Variants in CNTNAP2 observed in about 807,000 individuals in gnomAD.
CNTNAP2 encodes the protein contactin-associated protein-like 2.
In CNTNAP2, 98 loss-of-function variants were observed where a neutral mutation model predicts 155.2. That is an observed-to-expected ratio of 0.63 (90% CI 0.54 to 0.75). The LOEUF is 0.75. Ranked by LOEUF, CNTNAP2 falls within the 30% of genes least tolerant of loss-of-function variation. CNTNAP2 has a pLI of 0.00. For synonymous variants in CNTNAP2, 651 were observed against 631.2 expected, an observed-to-expected ratio of 1.03 and a Z score of -0.47; for missense variants, 1,727 against 1,688.1, an observed-to-expected ratio of 1.02 and a Z score of -0.40.
At chr7:146,260,218 A>AT (rs1357778514) in intron 1 of CNTNAP2, among the ~76,000 whole-genome samples, 1 of 152,226 alleles carries the variant, frequency 6.6e-6, no homozygotes, top group East Asian at 1.9e-4. Flanking sequence ...AAACATCTGG[A>AT]TGTCCAGGCA....
At chr7:146,400,192 T>TC (rs1214711536) in intron 1 of CNTNAP2, among the ~76,000 whole-genome samples, 2 of 152,068 alleles carry the variant, frequency 1.3e-5, no homozygotes, top group East Asian at 3.9e-4. Context: ...GAGTGACTCT[T>TC]AACTATTCAT....
At position 148,323,867 on chromosome 7, in the gene CNTNAP2, G is replaced by A. The variant is rs991587324; in HGVS notation, c.3475+56741G>A. Reference sequence around the variant, plus strand: ...CTGTTTCTCAAACTGAGTGAGACTTGTCTCTGAAGCCCCATTTTTTTTTTT... The same window carrying A: ...CTGTTTCTCAAACTGAGTGAGACTTATCTCTGAAGCCCCATTTTTTTTTTT... On this transcript the variant is annotated intron_variant, in intron 21 of 23. Transcript: ENST00000361727. Among the ~76,000 whole-genome samples the A allele has an allele frequency of 4.1e-5, 6 of 147,012 alleles. No homozygotes were observed. In the South Asian group the frequency reaches 8.6e-4, roughly 21 times the overall value.
At chr7:146,901,870 C>CTTTTTTTTTTTTTTTT (rs71165048) in intron 3 of CNTNAP2, among the ~76,000 whole-genome samples, 1 of 88,222 alleles carries the variant, frequency 1.1e-5, no homozygotes, top group Admixed American at 1.3e-4. Context: ...ATATATGCTC[C>CTTTTTTTTTTTTTTTT]TTTTTTTTTT....
chr7:147,826,003 G>A (rs1290979407), intron 13 of CNTNAP2, among the ~76,000 whole-genome samples: 1 of 152,168 alleles, frequency 6.6e-6, no homozygotes, highest in Non-Finnish European at 1.5e-5. Flanking sequence ...AAATTAGGGT[G>A]AGAACTTTGA....
chr7:148,370,681 C>A (rs1563062194), intron 21 of CNTNAP2, among the ~76,000 whole-genome samples: 1 of 151,594 alleles, frequency 6.6e-6, no homozygotes, highest in African/African-American at 2.4e-5. Flanking sequence ...ACCCCACCAG[C>A]TGGAATGACA....
intron 13 of CNTNAP2, among the ~76,000 whole-genome samples, chr7:147,652,713 AAAGG>A (rs778088767): frequency 9.9e-4 from 151 of 152,182 alleles, no homozygotes; most frequent in Non-Finnish European, 1.7e-3. Flanking sequence ...AAGAAGTTAG[AAAGG>A]AAGGAAGGGG....
At chr7:147,594,195 C>T (rs1482402725) in intron 12 of CNTNAP2, among the ~76,000 whole-genome samples, 7 of 142,936 alleles carry the variant, frequency 4.9e-5, no homozygotes, top group African/African-American at 1.9e-4. Context: ...GGCCCAGTCT[C>T]GGCTCACTGC....
intron 11 of CNTNAP2, among the ~76,000 whole-genome samples, chr7:147,510,269 G>A (rs992423326): frequency 1.3e-5 from 2 of 152,094 alleles, no homozygotes; most frequent in African/African-American, 4.8e-5. Context: ...AGTATTTAGT[G>A]GCCTTTTACA....
chr7:146,846,426 C>T (rs527349272), intron 3 of CNTNAP2, among the ~76,000 whole-genome samples: 2 of 152,080 alleles, frequency 1.3e-5, no homozygotes, highest in Middle Eastern at 3.4e-3. Flanking sequence ...ATTTCCAAGG[C>T]GATTTCAGAA....
chr7:147,622,040 A>G (rs1382014230), intron 12 of CNTNAP2, among the ~76,000 whole-genome samples: 1 of 152,050 alleles, frequency 6.6e-6, no homozygotes, highest in African/African-American at 2.4e-5. Context: ...AGACACAAAG[A>G]AGGTCACTAT....
chr7:148,281,188 T>A (rs1796968971), intron 21 of CNTNAP2, among the ~76,000 whole-genome samples: 1 of 152,232 alleles, frequency 6.6e-6, no homozygotes. Context: ...TAGAATTTTG[T>A]AGTTCTTTTA....
rs567405179 is a variant in CNTNAP2 at position 147,437,718 on chromosome 7, A to G, written c.1670+41938A>G. 7.2e-5 allele frequency among the ~76,000 whole-genome samples: 11 copies of G among 152,126 alleles called. No homozygotes were observed. In the East Asian group the frequency reaches 1.9e-3, roughly 27 times the overall value. On this transcript the variant is annotated intron_variant, in intron 10 of 23. Coordinates refer to ENST00000361727, the MANE Select transcript of CNTNAP2 (RefSeq NM_014141.6). Reference sequence around the variant, plus strand: ...CATACAAATGTTAAGATATTTTTCTATTTCTGTAAAGAATGCCATTGATGT... The same window carrying G: ...CATACAAATGTTAAGATATTTTTCTGTTTCTGTAAAGAATGCCATTGATGT...
chr7:147,603,862 A>C lies in CNTNAP2; in HGVS notation c.1898-35244A>C, dbSNP rs1801005974. 4.6e-5 allele frequency among the ~76,000 whole-genome samples: 7 copies of C among 152,320 alleles called. No homozygotes were observed. In the South Asian group the frequency reaches 1.4e-3, roughly 32 times the overall value. ...GTAACCAAAACAGCATGGTACTGGT[A>C]CTAAAACAGAGATATAGATCAATGG... On this transcript the variant is annotated intron_variant, in intron 12 of 23. Transcript: ENST00000361727.
intron 9 of CNTNAP2, among the ~76,000 whole-genome samples, chr7:147,365,387 A>G (rs1796212150): frequency 1.1e-5 from 1 of 89,388 alleles, no homozygotes; most frequent in Admixed American, 1.1e-4. Context: ...CAAAAAGAAA[A>G]AAAAAAAAAA....
chr7:146,131,790 T>C (rs1462035837), intron 1 of CNTNAP2, among the ~76,000 whole-genome samples: 1 of 152,142 alleles, frequency 6.6e-6, no homozygotes, highest in Non-Finnish European at 1.5e-5. Flanking sequence ...TATCTTGAAT[T>C]GTAATTTCCA....
chr7:146,189,819 GC>G (rs1248080630), intron 1 of CNTNAP2, among the ~76,000 whole-genome samples: 1 of 152,140 alleles, frequency 6.6e-6, no homozygotes, highest in Non-Finnish European at 1.5e-5. Context: ...ATCATTTGAA[GC>G]CTTATCACAC....
chr7:146,979,834 C>A (rs1345355826), intron 3 of CNTNAP2, among the ~76,000 whole-genome samples: 3 of 151,990 alleles, frequency 2.0e-5, no homozygotes, highest in African/African-American at 7.2e-5. Context: ...TATAAGAGGA[C>A]TATAAAAGAG....
At chr7:146,665,332 T>A (rs1434215494) in intron 1 of CNTNAP2, among the ~76,000 whole-genome samples, 1 of 152,260 alleles carries the variant, frequency 6.6e-6, no homozygotes, top group African/African-American at 2.4e-5. Context: ...TATTGATTGT[T>A]ACAAAGAATC....
intron 19 of CNTNAP2, among the ~76,000 whole-genome samples, chr7:148,224,705 G>C (rs1208985224): frequency 2.0e-5 from 3 of 152,202 alleles, no homozygotes; most frequent in Non-Finnish European, 4.4e-5. Context: ...AAATACCTGA[G>C]ACTGGGCAAT....
Sources: gnomAD v4.1 joint callset for allele counts (sites outside exome capture counted in the v4.1 genomes callset) on GRCh38, gnomAD v4.1.1 for gene constraint, MANE v1.5 for transcripts, NCBI Gene and HGNC (gene_info 2026-07-23, HGNC 2026-07-21) for gene names.